The following ZNF182 variants were observed in gnomAD, a reference collection of about 807,000 sequenced individuals.
ZNF182 encodes zinc finger protein 182, also known as zinc finger protein 21 (KOX 14).
In ZNF182, 10 loss-of-function variants were observed where a neutral mutation model predicts 28.1. That is an observed-to-expected ratio of 0.36 (90% CI 0.22 to 0.60). The LOEUF is 0.60. Among genes scored for constraint, ZNF182 ranks in the 20% least tolerant of loss-of-function variants. ZNF182 has a pLI of 0.75. For missense variants in ZNF182, 352 were observed against 453.2 expected (o/e 0.78, Z 2.03); for synonymous variants, 156 against 158.7 (o/e 0.98, Z 0.13).
At chrX:47,986,388 T>C (rs908748100) in intron 3 of ZNF182, among the ~76,000 whole-genome samples, 25 of 112,554 alleles carry the variant, frequency 2.2e-4, no homozygotes, top group African/African-American at 7.7e-4. Flanking sequence ...TCATGTGACA[T>C]AAGATTTATT....
Position 47,976,001 on chromosome X carries a change from C to A in ZNF182, c.*166G>T. 2.1e-6 allele frequency: 1 copy of A among 486,223 alleles called. No individual in the cohort carries two copies. The highest frequency in any genetic ancestry group is 3.1e-6 in the Non-Finnish European group (1 of 319,145). 40.1% of individuals were successfully genotyped at this position (486,223 alleles called of 1,213,427 possible). On this transcript the variant is annotated 3_prime_UTR_variant, in exon 6 of 6. Transcript: ENST00000376943. ...AATTTTGTCAGATACAGAGATTACA[C>A]TTCTGCTTTTTCTCCCGTAGCTTTT... is the stretch of plus-strand genomic sequence containing the variant.
chrX:47,976,937 T>C lies in ZNF182; in HGVS notation c.1093A>G (p.Ser365Gly). 1.7e-6 allele frequency: 2 copies of C among 1,210,436 alleles called. No homozygotes were observed. Among genetic ancestry groups the C allele is most frequent in the Non-Finnish European group, 2.2e-6 (2 of 895,048 alleles). ...TGTATAATGAGAGTTGACTTATCAC[T>C]GAAAGTTTTCTTACACTCATTACAT... is the stretch of plus-strand genomic sequence containing the variant. ...HECNECKKTFSDKSTLIIHQR... is the reference protein window; with the variant it reads ...HECNECKKTFGDKSTLIIHQR... Residue 365 changes from serine (S) to glycine (G), a missense_variant, in exon 6 of 6, where the codon AGT (serine) becomes GGT (glycine). Transcript: ENST00000376943.
Position 47,976,280 on chromosome X carries a change from A to G in ZNF182, c.1750T>C (p.Cys584Arg), listed in dbSNP as rs1257722510. The G allele has an allele frequency of 1.7e-6, 2 of 1,206,500 alleles. No individual in the cohort carries two copies. Among genetic ancestry groups the G allele is most frequent in the Non-Finnish European group, 1.1e-6 (1 of 893,675 alleles). Residue 584 changes from cysteine to arginine, a missense_variant, in exon 6 of 6, where the codon TGT (cysteine) becomes CGT (arginine). Physicochemically the swap from Cys to Arg is radical, Grantham distance 180. Transcript: ENST00000376943. ...TGEKPYKCTECGKAFTQKSNL... is the reference protein window; with the variant it reads ...TGEKPYKCTERGKAFTQKSNL... ...GATTTTTGGGTAAAGGCTTTCCCAC[A>G]TTCTGTACATTTATAGGGTTTCTCT... is the stretch of plus-strand genomic sequence containing the variant.
At chrX:47,997,092 C>T (rs1246664302) in intron 3 of ZNF182, among the ~76,000 whole-genome samples, 2 of 109,626 alleles carry the variant, frequency 1.8e-5, no homozygotes, top group African/African-American at 3.3e-5. Flanking sequence ...TTTGGGAGGT[C>T]GAGGTAGGCG....
intron 3 of ZNF182, chrX:47,988,608 G>C (rs782125050): frequency 2.2e-6 from 1 of 455,668 alleles, no homozygotes; most frequent in South Asian, 3.6e-5. Flanking sequence ...TTCTTGTACA[G>C]CTTGCAGGAC....
intron 3 of ZNF182, among the ~76,000 whole-genome samples, chrX:48,001,853 T>A (rs2058979383): frequency 9.0e-6 from 1 of 111,253 alleles, no homozygotes; most frequent in African/African-American, 3.3e-5. Context: ...AGGTTACAGG[T>A]TGGGGAAGAC....
At chrX:47,995,127 C>T (rs916468980) in intron 3 of ZNF182, among the ~76,000 whole-genome samples, 301 of 108,458 alleles carry the variant, frequency 2.8e-3, no homozygotes, top group Non-Finnish European at 4.6e-3. Flanking sequence ...GTCAAGAGAT[C>T]GAGACCATCC....
At chrX:47,988,624 G>A in intron 3 of ZNF182, 1 of 385,814 alleles carries the variant, frequency 2.6e-6, no homozygotes, top group Non-Finnish European at 4.6e-6. Context: ...AGGACTGTGA[G>A]CCAAATAAAC....
intron 3 of ZNF182, among the ~76,000 whole-genome samples, chrX:47,989,516 T>C (rs1477054576): frequency 2.7e-5 from 3 of 111,091 alleles, no homozygotes; most frequent in Non-Finnish European, 3.8e-5. Context: ...CAGAAATGCA[T>C]GACCTCAATC....
At chrX:47,994,983 G>A (rs1286561475) in intron 3 of ZNF182, among the ~76,000 whole-genome samples, 1 of 108,824 alleles carries the variant, frequency 9.2e-6, no homozygotes, top group African/African-American at 3.3e-5. Context: ...TTCCTGAGTA[G>A]TTTGTGTGCA....
intron 2 of ZNF182, among the ~76,000 whole-genome samples, chrX:48,003,065 C>T (rs1556902099): frequency 9.0e-6 from 1 of 111,587 alleles, no homozygotes; most frequent in African/African-American, 3.3e-5. Context: ...CTGTTAAAAG[C>T]GTTATATGGA....
At chrX:48,002,306 T>G (rs1440423935) in intron 3 of ZNF182, among the ~76,000 whole-genome samples, 5 of 112,059 alleles carry the variant, frequency 4.5e-5, no homozygotes, top group Non-Finnish European at 9.4e-5. Flanking sequence ...TGACTTCCCA[T>G]GAAGGCTGTG....
intron 5 of ZNF182, among the ~76,000 whole-genome samples, chrX:47,979,112 G>GA (rs1377549802): frequency 1.8e-5 from 2 of 111,686 alleles, no homozygotes; most frequent in Non-Finnish European, 3.8e-5. Flanking sequence ...ATTTTTACAT[G>GA]AAAATTTTCA....
chrX:47,997,975 G>GA (rs1213358701), intron 3 of ZNF182, among the ~76,000 whole-genome samples: 1 of 110,926 alleles, frequency 9.0e-6, no homozygotes, highest in African/African-American at 3.3e-5. Context: ...CCAGTAGACA[G>GA]AAAATCAGCA....
chrX:47,977,949 T>C, intron 5 of ZNF182, 152 bp from the exon 6 acceptor site: 2 of 493,352 alleles, frequency 4.1e-6, no homozygotes, highest in Admixed American at 9.7e-5. Context: ...CACCTGCTGG[T>C]CTTTTTGTTA....
At chrX:47,989,889 G>A (rs998067459) in intron 3 of ZNF182, among the ~76,000 whole-genome samples, 9 of 111,444 alleles carry the variant, frequency 8.1e-5, no homozygotes, top group African/African-American at 2.9e-4. Context: ...TAGCCAGAAC[G>A]TTATAATCTC....
Position 47,976,196 on chromosome X carries a change from T to C in ZNF182, c.1834A>G (p.Thr612Ala). 3 of 1,161,805 alleles carry C rather than the reference T, an allele frequency of 2.6e-6. No homozygotes were observed. Among genetic ancestry groups the C allele is most frequent in the Non-Finnish European group, 3.4e-6 (3 of 874,246 alleles). ...AGKKAHGRGH[T>A]RKSKFMAH ...TGTGCCATGAACTTTGACTTCCGAG[T>C]GTGGCCTCTTCCATGGGCTTTCTTT... Residue 612 changes from threonine to alanine, a missense_variant, in exon 6 of 6, where the codon ACT (threonine) becomes GCT (alanine). Physicochemically the swap from Thr to Ala is moderately conservative, Grantham distance 58. Coordinates refer to ENST00000376943, the MANE Select transcript of ZNF182 (RefSeq NM_001007088.2).
Position 47,977,222 on chromosome X carries a change from G to A in ZNF182, c.808C>T (p.Pro270Ser). The change falls in exon 6 of 6, where the codon CCC becomes TCC. Residue 270 changes from proline to serine, a missense_variant. Coordinates refer to ENST00000376943, the MANE Select transcript of ZNF182 (RefSeq NM_001007088.2). Reference sequence around the variant, plus strand: ...TTTCCACATTCAGGACACTCAAAGGGTCTCTCTCCTGTATGAGTTCGCAAG... The same window carrying A: ...TTTCCACATTCAGGACACTCAAAGGATCTCTCTCCTGTATGAGTTCGCAAG... ...IHLRTHTGER[P>S]FECPECGKAF... 2 of 1,208,547 alleles carry A rather than the reference G, an allele frequency of 1.7e-6. No individual in the cohort carries two copies. Among genetic ancestry groups the A allele is most frequent in the Non-Finnish European group, 2.2e-6 (2 of 894,484 alleles).
chrX:47,977,148 T>C lies in ZNF182; in HGVS notation c.882A>G (p.Thr294=). 8.3e-7 allele frequency: 1 copy of C among 1,209,728 alleles called. No homozygotes were observed. Among genetic ancestry groups the C allele is most frequent in the Non-Finnish European group, 1.1e-6 (1 of 894,776 alleles). ...CATTACATTCATAAGGTTTTTCTCC[T>C]GTGTGAGTCCTGTAATGTATGATGA... is the stretch of plus-strand genomic sequence containing the variant. The part of the protein sequence containing the change: ...STVIIHYRTH[T]GEKPYECNEC... The change falls in exon 6 of 6, where the codon ACA becomes ACG. Residue 294 remains threonine (T), a synonymous_variant. Coordinates refer to ENST00000376943, the MANE Select transcript of ZNF182 (RefSeq NM_001007088.2).
Sources: allele counts gnomAD v4.1 joint callset (sites outside exome capture counted in the v4.1 genomes callset), GRCh38; gene constraint gnomAD v4.1.1; transcripts MANE v1.5; gene names NCBI Gene and HGNC (gene_info 2026-07-23, HGNC 2026-07-21).